RBM20: variants seen among roughly 807,000 people sequenced by gnomAD.
The protein encoded by RBM20 is RNA binding motif protein 20.
RBM20 carries 51 observed loss-of-function variants against 110.1 expected under a neutral mutation model. The ratio of observed to expected loss-of-function variants is 0.46; its 90% CI spans 0.37 to 0.59. The LOEUF is 0.59. RBM20 is among the 20% of genes least tolerant of loss of function. RBM20 has a pLI of 0.00. For missense variants in RBM20, 1,512 were observed against 1,574.9 expected (o/e 0.96, Z 0.68); for synonymous variants, 589 against 618.2 (o/e 0.95, Z 0.70).
chr10:110,793,203 T>C (rs1226978106), intron 5 of RBM20, among the ~76,000 whole-genome samples: 1 of 152,208 alleles, frequency 6.6e-6, no homozygotes, highest in Non-Finnish European at 1.5e-5. Context: ...GAGCTGGGGA[T>C]TGAACCCAGG....
intron 1 of RBM20, among the ~76,000 whole-genome samples, chr10:110,720,270 T>G (rs904243073): frequency 6.6e-6 from 1 of 152,190 alleles, no homozygotes; most frequent in African/African-American, 2.4e-5. Flanking sequence ...CAGGGCTGTT[T>G]CTTTGATGCC....
chr10:110,746,815 T>C (rs1400318513), intron 1 of RBM20, among the ~76,000 whole-genome samples: 3 of 152,248 alleles, frequency 2.0e-5, no homozygotes, highest in Non-Finnish European at 2.9e-5. Context: ...CCCATCACAA[T>C]GGACTCAATC....
intron 1 of RBM20, among the ~76,000 whole-genome samples, chr10:110,696,050 C>A (rs564528003): frequency 6.6e-6 from 1 of 152,174 alleles, no homozygotes; most frequent in Non-Finnish European, 1.5e-5. Context: ...AGGCCCTGTT[C>A]CAGAGCCAAT....
chr10:110,813,067 C>A, intron 9 of RBM20, 120 bp downstream of exon 9: 1 of 732,714 alleles, frequency 1.4e-6, no homozygotes, highest in South Asian at 2.3e-5. Flanking sequence ...ATTTACTATG[C>A]GCTAGGCACT....
At chr10:110,813,211 A>G (rs1163130684) in intron 9 of RBM20, among the ~76,000 whole-genome samples, 2 of 152,336 alleles carry the variant, frequency 1.3e-5, no homozygotes, top group South Asian at 2.1e-4. Context: ...GTCCAAGAAC[A>G]CACGGTCAGG....
chr10:110,831,218 G>A, intron 13 of RBM20, 36 bp downstream of exon 13: 1 of 1,544,624 alleles, frequency 6.5e-7, no homozygotes, highest in Non-Finnish European at 8.8e-7. Flanking sequence ...CATGCCAGGG[G>A]CTCCCCAGTC....
At chr10:110,697,144 C>G (rs58349862) in intron 1 of RBM20, among the ~76,000 whole-genome samples, 9 of 151,914 alleles carry the variant, frequency 5.9e-5, no homozygotes, top group Non-Finnish European at 1.2e-4. Flanking sequence ...TTTTTTTAAG[C>G]TCATTGCTCA....
At chr10:110,810,838 TGTGTGTGC>T (rs1844758232) in intron 8 of RBM20, among the ~76,000 whole-genome samples, 1 of 117,538 alleles carries the variant, frequency 8.5e-6, no homozygotes, top group Non-Finnish European at 1.9e-5. Flanking sequence ...TGTGTGTGCA[TGTGTGTGC>T]GTGTGTGTGT....
intron 1 of RBM20, among the ~76,000 whole-genome samples, chr10:110,700,985 A>G (rs1481851879): frequency 6.6e-6 from 1 of 152,206 alleles, no homozygotes; most frequent in Non-Finnish European, 1.5e-5. Context: ...ACTGCATTCC[A>G]GCCTGGGTGG....
chr10:110,760,260 A>G (rs959821112), intron 1 of RBM20, among the ~76,000 whole-genome samples: 2 of 152,078 alleles, frequency 1.3e-5, no homozygotes, highest in Admixed American at 6.6e-5. Flanking sequence ...GATCCCTCCC[A>G]TGCACATGTG....
Position 110,799,891 on chromosome 10 carries a change from CAAGAGATACA to C in RBM20, c.1775_1784del (p.Lys592ArgfsTer45). ...GTGAGAAGTTGCTCATTCGGATGTC[CAAGAGATACA>C]AGGAATTGCAGCTCAAGGTAAAGCA... On this transcript the variant is annotated frameshift_variant, in exon 7 of 14. Transcript: ENST00000369519. LOFTEE classifies it high-confidence loss of function. 6.4e-7 allele frequency: 1 copy of C among 1,551,994 alleles called. No homozygotes were observed. The highest frequency in any genetic ancestry group is 8.7e-7 in the Non-Finnish European group (1 of 1,147,012).
intron 7 of RBM20, 139 bp downstream of exon 7, chr10:110,800,057 T>C (rs879235831): frequency 3.6e-6 from 3 of 835,010 alleles, no homozygotes; most frequent in Admixed American, 4.9e-5. Context: ...TTTGAGGATC[T>C]CGAGGCAAAC....
intron 1 of RBM20, 35 bp from the exon 2 acceptor site, chr10:110,780,766 A>T: frequency 6.8e-7 from 1 of 1,471,610 alleles, no homozygotes; most frequent in Non-Finnish European, 9.0e-7. Flanking sequence ...CTCATTGAAA[A>T]CCAGCTGTGC....
At chr10:110,709,957 T>C (rs1862900601) in intron 1 of RBM20, among the ~76,000 whole-genome samples, 1 of 152,200 alleles carries the variant, frequency 6.6e-6, no homozygotes, top group African/African-American at 2.4e-5. Context: ...TTAAAACCTT[T>C]GTCCCTTGGA....
chr10:110,760,423 A>ATTTTTTT (rs1400720868), intron 1 of RBM20, among the ~76,000 whole-genome samples: 9 of 83,312 alleles, frequency 1.1e-4, no homozygotes, highest in Non-Finnish European at 2.3e-4. Flanking sequence ...GAATTCCATC[A>ATTTTTTT]TCTTTTTTTT....
chr10:110,685,661 T>C (rs1189757780), intron 1 of RBM20, among the ~76,000 whole-genome samples: 2 of 151,668 alleles, frequency 1.3e-5, no homozygotes, highest in Non-Finnish European at 2.9e-5. Context: ...CGTTGGTATA[T>C]GGTATAGGTA....
chr10:110,653,010 A>G (rs1861973791), intron 1 of RBM20, among the ~76,000 whole-genome samples: 1 of 152,114 alleles, frequency 6.6e-6, no homozygotes, highest in Admixed American at 6.5e-5. Context: ...GAAGCCAACC[A>G]TCACATTTTC....
chr10:110,643,689 C>T (rs967110504), upstream of RBM20, among the ~76,000 whole-genome samples: 5 of 152,234 alleles, frequency 3.3e-5, no homozygotes, highest in Non-Finnish European at 7.3e-5. Flanking sequence ...CCGGCTGCTT[C>T]CGGGGACACC....
chr10:110,816,087 G>A (rs1216939569), intron 9 of RBM20, among the ~76,000 whole-genome samples: 1 of 152,168 alleles, frequency 6.6e-6, no homozygotes, highest in African/African-American at 2.4e-5. Flanking sequence ...AGCAGGGCTT[G>A]CTGTTCTTCC....
Sources: gnomAD v4.1 joint callset for allele counts (sites outside exome capture counted in the v4.1 genomes callset) on GRCh38, gnomAD v4.1.1 for gene constraint, MANE v1.5 for transcripts, NCBI Gene and HGNC (gene_info 2026-07-23, HGNC 2026-07-21) for gene names.